PLCB1: variants seen among roughly 807,000 people sequenced by gnomAD.
PLCB1 encodes phospholipase C beta 1.
In PLCB1, 46 loss-of-function variants were observed where a neutral mutation model predicts 161.8. The ratio of observed to expected loss-of-function variants is 0.28; its 90% confidence interval spans 0.22 to 0.36. The LOEUF is 0.36. Among genes scored for constraint, PLCB1 ranks in the 10% least tolerant of loss-of-function variants. The pLI, the probability that PLCB1 is intolerant of heterozygous loss-of-function variation, is 1.00. For synonymous variants in PLCB1, 517 were observed against 503.7 expected (o/e 1.03, Z -0.35); for missense variants, 1,016 against 1,472.5 (o/e 0.69, Z 5.07).
In PLCB1 at chr20:8,799,173, T is replaced by C. The variant is rs145088049; in HGVS notation, c.3423+8912T>C. Among the ~76,000 whole-genome samples the C allele has an allele frequency of 4.9e-3, 750 of 152,312 alleles. 9 individuals carry two copies. The highest frequency in any genetic ancestry group is 0.017 in the African/African-American group (718 of 41,554). ...CCTCCTTTGTCCATATTTTTCTTTC[T>C]TGAGGATGAGAAAATGTGGACATAT... On this transcript the variant is annotated intron_variant, in intron 31 of 31. Coordinates refer to ENST00000338037, the MANE Select transcript of PLCB1 (RefSeq NM_015192.4).
intron 26 of PLCB1, among the ~76,000 whole-genome samples, chr20:8,773,171 C>T (rs921022605): frequency 2.0e-5 from 3 of 152,160 alleles, no homozygotes; most frequent in Admixed American, 1.3e-4. Context: ...GATGCTGGCC[C>T]AATTCAAAGA....
chr20:8,143,900 T>C (rs1015044393), intron 1 of PLCB1, among the ~76,000 whole-genome samples: 4 of 152,184 alleles, frequency 2.6e-5, no homozygotes, highest in African/African-American at 9.7e-5. Context: ...CCAGTAGTTT[T>C]TTGTTGTGGA....
At chr20:8,372,088 G>C (rs1381855315) in intron 3 of PLCB1, 1 of 152,126 alleles carries the variant, frequency 6.6e-6, no homozygotes, top group Non-Finnish European at 1.5e-5. Flanking sequence ...TATAGTAGCA[G>C]GATATGTTGT....
In PLCB1 at chr20:8,137,734, C is replaced by A. The variant is rs1052043830; in HGVS notation, c.99+4984C>A. On this transcript the variant is annotated intron_variant, in intron 1 of 31. Transcript: ENST00000338037. ...AAACAGCATCACTTGCCCCAGAATT[C>A]CTGAGTGCTCTCTTCCAGTCCCTAC... Among the ~76,000 whole-genome samples the A allele has an allele frequency of 2.0e-5, 3 of 152,320 alleles. No homozygotes were observed. The South Asian group carries it at 6.2e-4, about 32-fold the overall frequency.
chr20:8,647,492 A>G (rs1600224267), intron 5 of PLCB1, among the ~76,000 whole-genome samples: 1 of 152,216 alleles, frequency 6.6e-6, no homozygotes. Context: ...TTCCCAATGT[A>G]TGCATCCATC....
intron 2 of PLCB1, among the ~76,000 whole-genome samples, chr20:8,323,151 T>A (rs1984991353): frequency 6.6e-6 from 1 of 152,158 alleles, no homozygotes; most frequent in African/African-American, 2.4e-5. Context: ...CGGGATTTGG[T>A]CATTCTCTTT....
At chr20:8,751,095 C>G in intron 23 of PLCB1, 1 of 196,804 alleles carries the variant, frequency 5.1e-6, no homozygotes, top group Non-Finnish European at 1.0e-5. Flanking sequence ...ACCACCAAGC[C>G]CGGCTAATTT....
intron 3 of PLCB1, among the ~76,000 whole-genome samples, chr20:8,437,087 G>T (rs944379908): frequency 5.3e-5 from 8 of 152,110 alleles, no homozygotes; most frequent in African/African-American, 7.2e-5. Flanking sequence ...ACCGAGCCTG[G>T]TCCGTAACCA....
In PLCB1 at chr20:8,858,912, CAAAAAAA is replaced by C. The variant is rs11482207; in HGVS notation, c.3424-22696_3424-22690del. On this transcript the variant is annotated intron_variant, in intron 31 of 31. Coordinates refer to ENST00000338037, the MANE Select transcript of PLCB1 (RefSeq NM_015192.4). ...CTCAAACTCTGGCAATTTGAGTGTGCAAAAAAAAAAAAAAAAAAAATTAGAGTAGTGG... is the reference window on the plus strand; with the variant it reads ...CTCAAACTCTGGCAATTTGAGTGTGCAAAAAAAAAAAAATTAGAGTAGTGG... Among the ~76,000 whole-genome samples, 239 of 111,540 alleles carry C rather than the reference CAAAAAAA, an allele frequency of 2.1e-3. 1 individual carries two copies. Among genetic ancestry groups the C allele is most frequent in the African/African-American group, 7.2e-3 (215 of 29,744 alleles). 73.2% of individuals were successfully genotyped at this position (111,540 alleles called of 152,430 possible).
intron 3 of PLCB1, among the ~76,000 whole-genome samples, chr20:8,447,455 A>G (rs1249244417): frequency 1.3e-5 from 2 of 152,166 alleles, no homozygotes; most frequent in Admixed American, 1.3e-4. Flanking sequence ...CTAGAATACT[A>G]CTAATAATTA....
chr20:8,297,338 A>G (rs769794224), intron 2 of PLCB1, among the ~76,000 whole-genome samples: 3 of 152,130 alleles, frequency 2.0e-5, no homozygotes, highest in East Asian at 1.9e-4. Flanking sequence ...AAAATTGTCA[A>G]TCTTTCCCCA....
intron 2 of PLCB1, among the ~76,000 whole-genome samples, chr20:8,190,269 G>C (rs2051953413): frequency 6.6e-6 from 1 of 152,050 alleles, no homozygotes; most frequent in South Asian, 2.1e-4. Flanking sequence ...AGCAAGTCAG[G>C]ATGTACGAAC....
intron 3 of PLCB1, among the ~76,000 whole-genome samples, chr20:8,471,778 C>G (rs1982064118): frequency 6.6e-6 from 1 of 152,106 alleles, no homozygotes; most frequent in Admixed American, 6.6e-5. Context: ...AATCACCCTC[C>G]TTTTCCTGTG....
chr20:8,262,386 C>T (rs904087379), intron 2 of PLCB1, among the ~76,000 whole-genome samples: 14 of 152,068 alleles, frequency 9.2e-5, no homozygotes, highest in African/African-American at 1.4e-4. Context: ...CCATTGCACC[C>T]GGCCTTTCTT....
chr20:8,139,121 C>G (rs1054047173), intron 1 of PLCB1, among the ~76,000 whole-genome samples: 7 of 108,034 alleles, frequency 6.5e-5, no homozygotes, highest in African/African-American at 2.6e-4. Context: ...GAGTCTTGCT[C>G]TGTCACCCAG....
chr20:8,188,163 A>G (rs2051926637), intron 2 of PLCB1, among the ~76,000 whole-genome samples: 1 of 152,154 alleles, frequency 6.6e-6, no homozygotes, highest in Non-Finnish European at 1.5e-5. Context: ...GCCCAGGTTT[A>G]AGAGCCAGCA....
chr20:8,197,606 G>C (rs1648943840), intron 2 of PLCB1, among the ~76,000 whole-genome samples: 1 of 152,052 alleles, frequency 6.6e-6, no homozygotes, highest in East Asian at 1.9e-4. Context: ...CCATTCTGTA[G>C]GTTGCCTGTT....
At chr20:8,243,574 A>T (rs1378461960) in intron 2 of PLCB1, among the ~76,000 whole-genome samples, 1 of 151,962 alleles carries the variant, frequency 6.6e-6, no homozygotes, top group African/African-American at 2.4e-5. Flanking sequence ...GAACCTTTAA[A>T]GAGACAAGCC....
At chr20:8,722,781 G>A (rs1049358775) in intron 15 of PLCB1, among the ~76,000 whole-genome samples, 1 of 152,080 alleles carries the variant, frequency 6.6e-6, no homozygotes, top group Non-Finnish European at 1.5e-5. Context: ...TTAGAATTTT[G>A]TCTTACCAAA....
Sources: gnomAD v4.1 joint callset for allele counts (sites outside exome capture counted in the v4.1 genomes callset) on GRCh38, gnomAD v4.1.1 for gene constraint, MANE v1.5 for transcripts, NCBI Gene and HGNC (gene_info 2026-07-23, HGNC 2026-07-21) for gene names.